The following RBM47 variants were observed in gnomAD, a reference collection of about 807,000 sequenced individuals.
The protein encoded by RBM47 is RNA binding motif protein 47.
RBM47 carries 21 observed loss-of-function variants against 47.1 expected under a neutral mutation model. The ratio of observed to expected loss-of-function variants is 0.45; its 90% CI spans 0.32 to 0.64. RBM47 has a LOEUF of 0.64. Among genes scored for constraint, RBM47 ranks in the 30% least tolerant of loss-of-function variants. The pLI is 0.05. For synonymous variants in RBM47, 375 were observed against 361.7 expected (o/e 1.04, Z -0.42); for missense variants, 708 against 870.9 (o/e 0.81, Z 2.35).
intron 3 of RBM47, among the ~76,000 whole-genome samples, chr4:40,445,676 G>T (rs1714435286): frequency 6.6e-6 from 1 of 152,146 alleles, no homozygotes; most frequent in Non-Finnish European, 1.5e-5. Flanking sequence ...GCTTCAAAAG[G>T]GTCATACACC....
In RBM47 at chr4:40,574,772, C is replaced by A. The variant is rs144806100; in HGVS notation, c.-239-30266G>T. 8.9e-3 allele frequency among the ~76,000 whole-genome samples: 1,348 copies of A among 152,260 alleles called. 9 individuals carry two copies. Among genetic ancestry groups the A allele is most frequent in the Non-Finnish European group, 0.014 (983 of 68,026 alleles). ...GGCTGAGGCAGAAGAATCACTTGAA[C>A]CCCGGAGGCAGAGGTTGCATTGAGC... is the stretch of plus-strand genomic sequence containing the variant. On this transcript the variant is annotated intron_variant, in intron 1 of 6. Coordinates refer to ENST00000295971, the MANE Select transcript of RBM47 (RefSeq NM_001098634.2).
chr4:40,545,706 A>AAATAAATAAATAAAT (rs1560459884), intron 1 of RBM47, among the ~76,000 whole-genome samples: 1 of 64,250 alleles, frequency 1.6e-5, no homozygotes, highest in Non-Finnish European at 3.6e-5. Context: ...AATAAATAAA[A>AAATAAATAAATAAAT]GAGAAAGAGA....
intron 1 of RBM47, among the ~76,000 whole-genome samples, chr4:40,586,074 G>A (rs1363269071): frequency 6.6e-6 from 1 of 152,224 alleles, no homozygotes; most frequent in African/African-American, 2.4e-5. Context: ...ACGCCATGGG[G>A]CAGAAATCCA....
chr4:40,498,204 T>A (rs954871195), intron 2 of RBM47, among the ~76,000 whole-genome samples: 15 of 151,734 alleles, frequency 9.9e-5, no homozygotes, highest in Non-Finnish European at 1.9e-4. Flanking sequence ...CTTAGTTTGA[T>A]GAATACACAA....
At chr4:40,509,185 A>AAATAAATAAAT (rs1553893164) in intron 2 of RBM47, among the ~76,000 whole-genome samples, 1 of 151,242 alleles carries the variant, frequency 6.6e-6, no homozygotes, top group African/African-American at 2.4e-5. Context: ...ATAAATAAAT[A>AAATAAATAAAT]AATAATAATA....
At chr4:40,451,591 GT>G (rs920945079) in intron 3 of RBM47, among the ~76,000 whole-genome samples, 3 of 151,572 alleles carry the variant, frequency 2.0e-5, no homozygotes, top group African/African-American at 4.8e-5. Flanking sequence ...AAAATTTACA[GT>G]TTTTTTTTAA....
chr4:40,554,684 TAAAG>T lies in RBM47; in HGVS notation c.-239-10182_-239-10179del, dbSNP rs1349544026. Among the ~76,000 whole-genome samples, 11 of 152,254 alleles carry T rather than the reference TAAAG, an allele frequency of 7.2e-5. No homozygotes were observed. The East Asian group carries it at 2.1e-3, about 29-fold the overall frequency. On this transcript the variant is annotated intron_variant, in intron 1 of 6. Transcript: ENST00000295971. ...TGCTCTAGAGGAAGAAAAAAAATTT[TAAAG>T]AAATAATTTAGCAGCAAAATCCGAC...
chr4:40,433,264 G>A (rs1478740784), intron 5 of RBM47, among the ~76,000 whole-genome samples: 1 of 152,098 alleles, frequency 6.6e-6, no homozygotes, highest in East Asian at 1.9e-4. Context: ...CCCAGCCTAA[G>A]ATATTTTTTA....
intron 3 of RBM47, among the ~76,000 whole-genome samples, chr4:40,462,847 C>A (rs1326154494): frequency 6.6e-6 from 1 of 152,062 alleles, no homozygotes; most frequent in African/African-American, 2.4e-5. Flanking sequence ...AACTATAAGA[C>A]TTGGAAGAAA....
chr4:40,451,285 C>A (rs977350106), intron 3 of RBM47, among the ~76,000 whole-genome samples: 1 of 151,604 alleles, frequency 6.6e-6, no homozygotes, highest in Non-Finnish European at 1.5e-5. Flanking sequence ...CAATAATACT[C>A]ATTTAATTTG....
At chr4:40,474,923 G>C (rs1719396200) in intron 2 of RBM47, among the ~76,000 whole-genome samples, 2 of 152,200 alleles carry the variant, frequency 1.3e-5, no homozygotes, top group African/African-American at 4.8e-5. Context: ...TTCTTTAAAA[G>C]ATTAGCTTCT....
At chr4:40,498,052 TTTTATA>T (rs901606166) in intron 2 of RBM47, among the ~76,000 whole-genome samples, 11 of 75,216 alleles carry the variant, frequency 1.5e-4, no homozygotes, top group African/African-American at 5.3e-4. Flanking sequence ...TAAGTGCTTG[TTTTATA>T]TATATATATA....
intron 2 of RBM47, among the ~76,000 whole-genome samples, chr4:40,475,954 G>A (rs1040068552): frequency 7.9e-5 from 12 of 152,158 alleles, no homozygotes; most frequent in African/African-American, 2.9e-4. Flanking sequence ...AACCTGAAAC[G>A]GAATGGAAAC....
intron 2 of RBM47, among the ~76,000 whole-genome samples, chr4:40,470,389 G>A (rs192846789): frequency 9.5e-4 from 145 of 152,220 alleles, no homozygotes; most frequent in Middle Eastern, 6.8e-3. Context: ...TCTCACAGCC[G>A]CTCATGACTC....
At chr4:40,458,714 G>C (rs955026515) in intron 3 of RBM47, among the ~76,000 whole-genome samples, 26 of 152,008 alleles carry the variant, frequency 1.7e-4, no homozygotes, top group Middle Eastern at 3.4e-3. Context: ...TCATTGCATT[G>C]TTTCAATGTT....
chr4:40,451,297 T>C (rs1715406585), intron 3 of RBM47, among the ~76,000 whole-genome samples: 1 of 152,046 alleles, frequency 6.6e-6, no homozygotes. Flanking sequence ...TTTAATTTGG[T>C]TGAAACACTA....
At chr4:40,536,414 G>A (rs568482737) in intron 2 of RBM47, among the ~76,000 whole-genome samples, 6 of 152,166 alleles carry the variant, frequency 3.9e-5, no homozygotes, top group Admixed American at 2.0e-4. Context: ...AAGGTTCAAC[G>A]CTGACATTAG....
chr4:40,434,561 G>T (rs77973917), intron 5 of RBM47, among the ~76,000 whole-genome samples: 1 of 151,942 alleles, frequency 6.6e-6, no homozygotes, highest in East Asian at 1.9e-4. Flanking sequence ...TAGAAGCGAC[G>T]ACTCCCATAT....
At chr4:40,478,021 T>C (rs2154240295) in intron 2 of RBM47, among the ~76,000 whole-genome samples, 1 of 145,566 alleles carries the variant, frequency 6.9e-6, no homozygotes, top group Admixed American at 6.8e-5. Flanking sequence ...TTTTTTTTTT[T>C]TTTTTTTTTT....
Sources: allele counts gnomAD v4.1 joint callset (sites outside exome capture counted in the v4.1 genomes callset), GRCh38; gene constraint gnomAD v4.1.1; transcripts MANE v1.5; gene names NCBI Gene and HGNC (gene_info 2026-07-23, HGNC 2026-07-21).